The following SLCO1B1 variants were observed in gnomAD, a reference collection of about 807,000 sequenced individuals.
The protein encoded by SLCO1B1 is OATP-2.
A neutral mutation model predicts 70.1 loss-of-function variants in SLCO1B1; 81 were observed. The ratio of observed to expected loss-of-function variants is 1.16; its 90% CI spans 0.97 to 1.39. The LOEUF is 1.39. SLCO1B1 is among the 40% of genes most tolerant of loss of function. The probability of loss-of-function intolerance (pLI) is 0.00; values close to 1 mark genes in which losing one functional copy is unlikely to be tolerated. For missense variants in SLCO1B1, 895 were observed against 799.6 expected (o/e 1.12, Z -1.44); for synonymous variants, 283 against 271.5 (o/e 1.04, Z -0.42).
intron 2 of SLCO1B1, among the ~76,000 whole-genome samples, chr12:21,152,692 T>G (rs1013211114): frequency 2.6e-5 from 4 of 151,964 alleles, no homozygotes; most frequent in Non-Finnish European, 4.4e-5. Flanking sequence ...GCTGGGTATT[T>G]CCTTTCCCTT....
At chr12:21,182,791 G>GCACT (rs3060544) in intron 7 of SLCO1B1, among the ~76,000 whole-genome samples, 18,553 of 152,076 alleles carry the variant, frequency 0.12, 1,505 homozygotes, top group Non-Finnish European at 0.18. Context: ...TTGGTGCCCA[G>GCACT]CACTCAAGCA....
chr12:21,194,480 T>G (rs919268239), intron 7 of SLCO1B1, among the ~76,000 whole-genome samples: 3 of 152,122 alleles, frequency 2.0e-5, no homozygotes, highest in Non-Finnish European at 2.9e-5. Context: ...AGAGTGACTT[T>G]TGCTCTAGCT....
Position 21,239,091 on chromosome 12 carries a change from G to C in SLCO1B1, c.1978G>C (p.Glu660Gln), listed in dbSNP as rs368443740. The C allele has an allele frequency of 5.5e-5, 88 of 1,608,598 alleles. No individual in the cohort carries two copies. Among genetic ancestry groups the C allele is most frequent in the Non-Finnish European group, 6.8e-5 (80 of 1,175,684 alleles). Reference protein sequence around the residue: ...KYQEKDINASENGSVMDEANL... With the variant: ...KYQEKDINASQNGSVMDEANL... ...TCAAGAGAAAGATATCAATGCATCAGAAAATGGAAGTGTCATGGATGAAGC... is the reference window on the plus strand; with the variant it reads ...TCAAGAGAAAGATATCAATGCATCACAAAATGGAAGTGTCATGGATGAAGC... The change falls in exon 15 of 15, where the codon GAA (glutamate) becomes CAA (glutamine). Residue 660 changes from glutamate (E) to glutamine (Q), a missense_variant. Glu to Gln is a conservative substitution (Grantham distance 29, BLOSUM62 2). Transcript: ENST00000256958.
Position 21,172,872 on chromosome 12 carries a change from G to C in SLCO1B1, c.226+81G>C, listed in dbSNP as rs973788003. On this transcript the variant is annotated intron_variant, in intron 3 of 14. Coordinates refer to ENST00000256958, the MANE Select transcript of SLCO1B1 (RefSeq NM_006446.5). The stretch of plus-strand genomic sequence containing the variant: ...GCTTTACACCACTGGTTATCAACTG[G>C]GGTAAATTTATCTCTCACAGGCAAT... The C allele has an allele frequency of 3.0e-6, 4 of 1,335,172 alleles. No homozygotes were observed. In the Admixed American group the frequency reaches 8.0e-5, roughly 27 times the overall value. The allele number at this position is 1,335,172 out of a possible 1,614,324, so 82.7% of individuals were successfully genotyped here. A position where few individuals can be genotyped will look rare whatever the true frequency, so the allele number is the denominator to read the frequency against.
intron 2 of SLCO1B1, among the ~76,000 whole-genome samples, chr12:21,168,176 C>A (rs1276640339): frequency 6.6e-6 from 1 of 151,204 alleles, no homozygotes. Flanking sequence ...TCGTGACTGG[C>A]TTATTTAGCT....
chr12:21,133,016 G>A (rs535974095), intron 1 of SLCO1B1, among the ~76,000 whole-genome samples: 276 of 152,044 alleles, frequency 1.8e-3, no homozygotes, highest in African/African-American at 6.2e-3. Flanking sequence ...TGTGTAAGGT[G>A]TAAGGAAGGG....
At chr12:21,141,796 T>A in intron 2 of SLCO1B1, 138 bp downstream of exon 2, 1 of 572,850 alleles carries the variant, frequency 1.7e-6, no homozygotes, top group Non-Finnish European at 3.1e-6. Flanking sequence ...ATTAACATAA[T>A]GATTCATACC....
intron 8 of SLCO1B1, among the ~76,000 whole-genome samples, chr12:21,200,122 A>C (rs1032487983): frequency 3.3e-5 from 5 of 152,138 alleles, no homozygotes; most frequent in African/African-American, 1.2e-4. Context: ...TTTTTGAACA[A>C]TTAGCATATT....
chr12:21,211,656 C>T (rs1941287111), intron 11 of SLCO1B1, among the ~76,000 whole-genome samples: 1 of 152,024 alleles, frequency 6.6e-6, no homozygotes, highest in Admixed American at 6.5e-5. Flanking sequence ...CTCCTTGTAC[C>T]TCTGGTAGAA....
At chr12:21,224,932 A>T in intron 14 of SLCO1B1, 93 bp downstream of exon 14, 2 of 676,874 alleles carry the variant, frequency 3.0e-6, no homozygotes, top group Non-Finnish European at 5.0e-6. Context: ...ATTAATAATG[A>T]TAGCCACCAT....
intron 11 of SLCO1B1, among the ~76,000 whole-genome samples, chr12:21,210,897 T>C (rs1299684885): frequency 6.6e-6 from 1 of 152,090 alleles, no homozygotes; most frequent in Non-Finnish European, 1.5e-5. Flanking sequence ...TTGTGATTTT[T>C]GTACATTGAT....
At chr12:21,169,020 C>A (rs1166327600) in intron 2 of SLCO1B1, among the ~76,000 whole-genome samples, 1 of 151,856 alleles carries the variant, frequency 6.6e-6, no homozygotes, top group Non-Finnish European at 1.5e-5. Flanking sequence ...GTATTTAGTT[C>A]ATTTTGAGTT....
intron 10 of SLCO1B1, among the ~76,000 whole-genome samples, chr12:21,204,138 GT>G (rs1217271490): frequency 6.6e-6 from 1 of 151,206 alleles, no homozygotes; most frequent in Non-Finnish European, 1.5e-5. Context: ...ACTGGGATAA[GT>G]TTTTTTTTAA....
chr12:21,183,019 G>C (rs76447555), intron 7 of SLCO1B1, among the ~76,000 whole-genome samples: 15,229 of 152,102 alleles, frequency 0.1, 1,052 homozygotes, highest in African/African-American at 0.2. Context: ...CGGGAGATTG[G>C]GGGGGTGTCC....
intron 4 of SLCO1B1, among the ~76,000 whole-genome samples, chr12:21,175,429 A>T (rs1466206206): frequency 1.3e-5 from 2 of 151,720 alleles, no homozygotes; most frequent in Non-Finnish European, 2.9e-5. Flanking sequence ...ACATAGATAT[A>T]TAAATGCTGA....
chr12:21,151,359 A>G lies in SLCO1B1; in HGVS notation c.84+9701A>G, dbSNP rs145117241. Reference sequence around the variant, plus strand: ...GTGTTTGCAAGATAAATTTACAAATAATTCAAGTCCACTTTCACGTGACGT... The same window carrying G: ...GTGTTTGCAAGATAAATTTACAAATGATTCAAGTCCACTTTCACGTGACGT... On this transcript the variant is annotated intron_variant, in intron 2 of 14. Transcript: ENST00000256958. 2.4e-4 allele frequency among the ~76,000 whole-genome samples: 36 copies of G among 152,278 alleles called. No homozygotes were observed. In the South Asian group the frequency reaches 7.5e-3, roughly 32 times the overall value.
At chr12:21,186,184 A>C (rs919653960) in intron 7 of SLCO1B1, among the ~76,000 whole-genome samples, 6 of 152,110 alleles carry the variant, frequency 3.9e-5, no homozygotes, top group African/African-American at 1.4e-4. Flanking sequence ...ACAGAAACAC[A>C]TATGTACCTC....
chr12:21,209,791 G>T (rs1263163495), intron 11 of SLCO1B1, among the ~76,000 whole-genome samples: 2 of 151,524 alleles, frequency 1.3e-5, no homozygotes, highest in African/African-American at 2.4e-5. Context: ...GTTTTGATTT[G>T]CATTTCTCTG....
chr12:21,211,033 C>G (rs1322327634), intron 11 of SLCO1B1, among the ~76,000 whole-genome samples: 1 of 152,138 alleles, frequency 6.6e-6, no homozygotes, highest in African/African-American at 2.4e-5. Context: ...TCCTCTTTTC[C>G]TAATTGAATA....
Sources: gnomAD v4.1 joint callset for allele counts (sites outside exome capture counted in the v4.1 genomes callset) on GRCh38, gnomAD v4.1.1 for gene constraint, MANE v1.5 for transcripts, NCBI Gene and HGNC (gene_info 2026-07-23, HGNC 2026-07-21) for gene names.